The following RPS6KB1 variants were observed in gnomAD, a reference collection of about 807,000 sequenced individuals.
RPS6KB1 encodes the protein ribosomal protein S6 kinase B1, also known as ribosomal protein S6 kinase beta-1.
A neutral mutation model predicts 70.2 loss-of-function variants in RPS6KB1; 12 were observed. That is an observed-to-expected ratio of 0.17 (90% CI 0.11 to 0.28). The LOEUF is 0.28. Ranked by LOEUF, RPS6KB1 falls within the 10% of genes least tolerant of loss-of-function variation. The pLI is 1.00. For synonymous variants in RPS6KB1, 175 were observed against 211.2 expected, an observed-to-expected ratio of 0.83 and a Z score of 1.49; for missense variants, 270 against 646.6, an observed-to-expected ratio of 0.42 and a Z score of 6.32.
At chr17:59,907,244 C>G (rs2042327268) in intron 1 of RPS6KB1, 1 of 151,878 alleles carries the variant, frequency 6.6e-6, no homozygotes, top group South Asian at 2.1e-4. Flanking sequence ...ACCTCGTGAT[C>G]TGCCTGCCTC....
At chr17:59,910,029 A>G (rs929547682) in intron 1 of RPS6KB1, among the ~76,000 whole-genome samples, 2 of 151,372 alleles carry the variant, frequency 1.3e-5, no homozygotes, top group African/African-American at 2.4e-5. Context: ...ATATATATAT[A>G]CACAAAAATT....
At chr17:59,916,783 T>C in intron 4 of RPS6KB1, among the ~76,000 whole-genome samples, 1 of 152,226 alleles carries the variant, frequency 6.6e-6, no homozygotes. Context: ...TCTTAGTTTA[T>C]GTCCTTGTTT....
At chr17:59,919,913 C>G (rs549719451) in intron 4 of RPS6KB1, among the ~76,000 whole-genome samples, 11 of 152,246 alleles carry the variant, frequency 7.2e-5, no homozygotes, top group Admixed American at 5.2e-4. Context: ...TTTGTGTATT[C>G]CCCTTTGCAG....
At chr17:59,918,903 C>T (rs545745286) in intron 4 of RPS6KB1, among the ~76,000 whole-genome samples, 2 of 147,586 alleles carry the variant, frequency 1.4e-5, no homozygotes, top group East Asian at 4.0e-4. Context: ...ACAGTCTCGG[C>T]TCACTGCAAT....
chr17:59,947,690 TCGCC>T lies in RPS6KB1; in HGVS notation c.*903_*906del, dbSNP rs2045008897. ...GCCTGCATTGCACTGGAAAAAAAAATCGCCACCTGTTCTTACACCAGTATTTGGT... is the reference window on the plus strand; with the variant it reads ...GCCTGCATTGCACTGGAAAAAAAAATACCTGTTCTTACACCAGTATTTGGT... On this transcript the variant is annotated 3_prime_UTR_variant, in exon 15 of 15. Coordinates refer to ENST00000225577, the MANE Select transcript of RPS6KB1 (RefSeq NM_003161.4). The T allele has an allele frequency of 1.3e-6, 1 of 769,952 alleles. No homozygotes were observed. The highest frequency in any genetic ancestry group is 1.7e-5 in the African/African-American group (1 of 57,238). The allele number at this position is 769,952 out of a possible 1,614,324, so 47.7% of individuals were successfully genotyped here.
chr17:59,939,586 T>C (rs1456173141), intron 12 of RPS6KB1, among the ~76,000 whole-genome samples: 3 of 152,224 alleles, frequency 2.0e-5, no homozygotes, highest in Admixed American at 1.3e-4. Context: ...CTAGCAGTTA[T>C]TTTTATTGAT....
At chr17:59,927,341 C>T (rs180529) in intron 5 of RPS6KB1, among the ~76,000 whole-genome samples, 1 of 151,798 alleles carries the variant, frequency 6.6e-6, no homozygotes, top group Admixed American at 6.6e-5. Context: ...AACTCGGCCT[C>T]CCAAAATGCT....
In RPS6KB1 at chr17:59,949,558, G is replaced by A. The variant is rs769645042; in HGVS notation, c.*2770G>A. On this transcript the variant is annotated 3_prime_UTR_variant, in exon 15 of 15. Transcript: ENST00000225577. Reference sequence around the variant, plus strand: ...CTAATTTGATTTTATAAGGTTTGTAGCATTACAGAATAACTAAACTGGGAT... The same window carrying A: ...CTAATTTGATTTTATAAGGTTTGTAACATTACAGAATAACTAAACTGGGAT... 6.6e-6 allele frequency: 1 copy of A among 152,320 alleles called. No homozygotes were observed. The highest frequency in any genetic ancestry group is 1.5e-5 in the Non-Finnish European group (1 of 67,942). 9.4% of individuals were successfully genotyped at this position (152,320 alleles called of 1,614,324 possible).
intron 4 of RPS6KB1, among the ~76,000 whole-genome samples, chr17:59,918,863 GCT>G (rs1278834067): frequency 2.1e-4 from 23 of 111,818 alleles, no homozygotes; most frequent in African/African-American, 7.8e-4. Context: ...TTGGAGTCTT[GCT>G]CTGTCGTCTA....
Position 59,950,120 on chromosome 17 carries a change from T to A in RPS6KB1, c.*3332T>A, listed in dbSNP as rs1371063778. ...ACATAACCTGTGGTCTGTTGCTGAT[T>A]AATACAGTACTTTTTCTTGTGTGAT... On this transcript the variant is annotated 3_prime_UTR_variant, in exon 15 of 15. Transcript: ENST00000225577. 2 of 152,598 alleles carry A rather than the reference T, an allele frequency of 1.3e-5. No homozygotes were observed. The highest frequency in any genetic ancestry group is 2.9e-5 in the Non-Finnish European group (2 of 67,962). 9.5% of individuals were successfully genotyped at this position (152,598 alleles called of 1,614,324 possible). A position where few individuals can be genotyped will look rare whatever the true frequency, so the allele number is the denominator to read the frequency against.
intron 1 of RPS6KB1, among the ~76,000 whole-genome samples, chr17:59,908,012 T>G (rs2042369537): frequency 6.6e-6 from 1 of 152,116 alleles, no homozygotes; most frequent in South Asian, 2.1e-4. Context: ...TTAATTATTT[T>G]GTCTCGATCA....
chr17:59,918,910 C>A (rs760052458), intron 4 of RPS6KB1, among the ~76,000 whole-genome samples: 1 of 147,868 alleles, frequency 6.8e-6, no homozygotes, highest in Non-Finnish European at 1.5e-5. Context: ...CGGCTCACTG[C>A]AATTTCCACC....
intron 13 of RPS6KB1, among the ~76,000 whole-genome samples, chr17:59,942,616 C>A (rs1321636730): frequency 6.6e-6 from 1 of 151,692 alleles, no homozygotes; most frequent in Non-Finnish European, 1.5e-5. Flanking sequence ...TTTTTGAGTT[C>A]ACTGGATTTG....
At chr17:59,899,827 A>G (rs950003225) in intron 1 of RPS6KB1, among the ~76,000 whole-genome samples, 10 of 152,150 alleles carry the variant, frequency 6.6e-5, no homozygotes, top group African/African-American at 2.2e-4. Flanking sequence ...TATGACTAAA[A>G]TTTTGTGTTT....
At chr17:59,905,527 G>A (rs1381039009) in intron 1 of RPS6KB1, among the ~76,000 whole-genome samples, 5 of 147,398 alleles carry the variant, frequency 3.4e-5, no homozygotes, top group African/African-American at 7.6e-5. Context: ...TTTTTGAGAC[G>A]GAGTTTTGCT....
At chr17:59,909,602 T>G (rs1044860320) in intron 1 of RPS6KB1, among the ~76,000 whole-genome samples, 2 of 150,516 alleles carry the variant, frequency 1.3e-5, no homozygotes, top group African/African-American at 4.9e-5. Flanking sequence ...TGGGGCCGGG[T>G]GTGATGGCTC....
intron 1 of RPS6KB1, among the ~76,000 whole-genome samples, chr17:59,900,187 C>A: frequency 9.7e-6 from 1 of 103,366 alleles, no homozygotes; most frequent in South Asian, 2.5e-4. Context: ...CACACACACA[C>A]ACACACACAC....
intron 13 of RPS6KB1, among the ~76,000 whole-genome samples, chr17:59,943,430 T>C (rs527519799): frequency 7.2e-5 from 11 of 152,078 alleles, no homozygotes; most frequent in Non-Finnish European, 1.2e-4. Flanking sequence ...AAATCCAAAG[T>C]TGTGGTGGTA....
At chr17:59,942,772 G>A (rs553107897) in intron 13 of RPS6KB1, among the ~76,000 whole-genome samples, 2 of 152,210 alleles carry the variant, frequency 1.3e-5, no homozygotes, top group African/African-American at 4.8e-5. Context: ...TTGAGGTCAG[G>A]AGTTCAAGAC....
Sources: gnomAD v4.1 joint callset for allele counts (sites outside exome capture counted in the v4.1 genomes callset) on GRCh38, gnomAD v4.1.1 for gene constraint, MANE v1.5 for transcripts, NCBI Gene and HGNC (gene_info 2026-07-23, HGNC 2026-07-21) for gene names.